DAAM2: variants seen among roughly 807,000 people sequenced by gnomAD.
DAAM2 encodes disheveled-associated activator of morphogenesis 2.
DAAM2 carries 39 observed loss-of-function variants against 120.7 expected under a neutral mutation model. The observed-to-expected ratio is 0.32, with a 90% CI of 0.25 to 0.42. The LOEUF (loss-of-function observed/expected upper bound fraction) is 0.42. Among genes scored for constraint, DAAM2 ranks in the 10% least tolerant of loss-of-function variants. The pLI is 1.00. For synonymous variants in DAAM2, 488 were observed against 524.9 expected (o/e 0.93, Z 0.96); for missense variants, 1,283 against 1,401.7 (o/e 0.92, Z 1.35).
rs138093070 is a variant in DAAM2 at position 39,842,271 on chromosome 6, T to G, written c.-56-13976T>G. On this transcript the variant is annotated intron_variant, in intron 1 of 24. Coordinates refer to ENST00000274867, the MANE Select transcript of DAAM2 (RefSeq NM_001201427.2). The stretch of plus-strand genomic sequence containing the variant: ...AGGACTGAGGACCTGCTGCACACAT[T>G]CCACTGCGCCAGGAGCTATTCTCAT... Among the ~76,000 whole-genome samples, 621 of 152,284 alleles carry G rather than the reference T, an allele frequency of 4.1e-3. 3 individuals carry two copies. Among genetic ancestry groups the G allele is most frequent in the Non-Finnish European group, 6.5e-3 (445 of 68,014 alleles).
Position 39,891,379 on chromosome 6 carries a change from C to A in DAAM2, c.2184C>A (p.Leu728=), listed in dbSNP as rs758051661. ...KFIPEKSDID[L]LEEHKHEIER... ...TCCCAGAGAAGAGTGACATTGACCTCCTGGAGGAGCACAAGCATGAAATTG... is the reference window on the plus strand; with the variant it reads ...TCCCAGAGAAGAGTGACATTGACCTACTGGAGGAGCACAAGCATGAAATTG... Residue 728 remains leucine, a synonymous_variant, in exon 18 of 25, where the codon CTC becomes CTA. Coordinates refer to ENST00000274867, the MANE Select transcript of DAAM2 (RefSeq NM_001201427.2). 18 of 1,611,182 alleles carry A rather than the reference C, an allele frequency of 1.1e-5. No homozygotes were observed. The highest frequency in any genetic ancestry group is 5.0e-5 in the Admixed American group (3 of 59,726).
rs756945728 is a variant in DAAM2, at chr6:39,900,057, A to C, written c.2680-20A>C. The C allele has an allele frequency of 3.4e-5, 54 of 1,597,030 alleles. No individual in the cohort carries two copies. Among genetic ancestry groups the C allele is most frequent in the Non-Finnish European group, 8.5e-7 (1 of 1,171,994 alleles). ...TCATCTTGGCACCAGTCTAAGCAGC[A>C]CTTCACCCTCCCTCCTCAGGAGCTG... On this transcript the variant is annotated intron_variant, in intron 22 of 24. Transcript: ENST00000274867.
intron 1 of DAAM2, among the ~76,000 whole-genome samples, chr6:39,804,907 A>G (rs768688041): frequency 6.6e-6 from 1 of 152,214 alleles, no homozygotes; most frequent in African/African-American, 2.4e-5. Flanking sequence ...GTGCTGAGTC[A>G]GGTGTTGTGG....
chr6:39,894,634 T>G (rs1315203080), intron 19 of DAAM2, among the ~76,000 whole-genome samples: 5 of 151,996 alleles, frequency 3.3e-5, no homozygotes, highest in Non-Finnish European at 7.4e-5. Flanking sequence ...ACCTATTTTC[T>G]TTTTGAGACA....
At chr6:39,830,775 C>A (rs1762852684) in intron 1 of DAAM2, among the ~76,000 whole-genome samples, 1 of 152,172 alleles carries the variant, frequency 6.6e-6, no homozygotes, top group Non-Finnish European at 1.5e-5. Context: ...GCATCAGGAC[C>A]AGGGCAGCTC....
intron 1 of DAAM2, among the ~76,000 whole-genome samples, chr6:39,832,114 G>A (rs564867322): frequency 7.9e-5 from 12 of 151,208 alleles, no homozygotes; most frequent in South Asian, 2.1e-4. Context: ...GGACAGGTAC[G>A]CTAGGGAGGC....
chr6:39,865,188 T>A lies in DAAM2; in HGVS notation c.428+114T>A. 5.9e-6 allele frequency: 4 copies of A among 680,548 alleles called. No individual in the cohort carries two copies. The South Asian group carries it at 6.9e-5, about 12-fold the overall frequency. The allele number at this position is 680,548 out of a possible 1,614,324, so 42.2% of individuals were successfully genotyped here. On this transcript the variant is annotated intron_variant, in intron 5 of 24. Transcript: ENST00000274867. The stretch of plus-strand genomic sequence containing the variant: ...CCATGCCGGTCCTCCTGGCCAACTC[T>A]GCCTCACCTGACTTCACTTCCCAGC...
intron 1 of DAAM2, among the ~76,000 whole-genome samples, chr6:39,827,263 G>GC (rs35757809): frequency 0.33 from 50,009 of 151,968 alleles, 9,433 homozygotes; most frequent in African/African-American, 0.52. Context: ...TTGGGCCTCA[G>GC]TTTCTCGCCT....
At chr6:39,875,680 T>C (rs2149323676) in intron 11 of DAAM2, among the ~76,000 whole-genome samples, 1 of 152,354 alleles carries the variant, frequency 6.6e-6, no homozygotes, top group Middle Eastern at 3.4e-3. Flanking sequence ...TATGGAGTAC[T>C]TGACACACGG....
intron 1 of DAAM2, among the ~76,000 whole-genome samples, chr6:39,816,650 C>G (rs1430795927): frequency 6.6e-6 from 1 of 152,176 alleles, no homozygotes; most frequent in Non-Finnish European, 1.5e-5. Flanking sequence ...CACACTTTAC[C>G]TCTGTATTTA....
chr6:39,843,881 G>A (rs1044864475), intron 1 of DAAM2, among the ~76,000 whole-genome samples: 2 of 152,142 alleles, frequency 1.3e-5, no homozygotes, highest in African/African-American at 4.8e-5. Flanking sequence ...CTGTGGCTGT[G>A]GGGATGCGTG....
At chr6:39,864,043 A>G (rs1190280738) in intron 3 of DAAM2, among the ~76,000 whole-genome samples, 1 of 152,224 alleles carries the variant, frequency 6.6e-6, no homozygotes, top group Admixed American at 6.5e-5. Context: ...TGAGAATGAG[A>G]TTATCAGAAA....
intron 1 of DAAM2, among the ~76,000 whole-genome samples, chr6:39,800,028 G>A (rs1312047543): frequency 6.6e-6 from 1 of 152,176 alleles, no homozygotes; most frequent in Non-Finnish European, 1.5e-5. Flanking sequence ...TACACTGGAT[G>A]TAACTCATTT....
At chr6:39,884,209 T>TTTAC in intron 15 of DAAM2, 140 bp downstream of exon 15, 2 of 609,910 alleles carry the variant, frequency 3.3e-6, no homozygotes, top group Non-Finnish European at 5.9e-6. Context: ...CCCTTCCTTC[T>TTTAC]TTCCTTCCTT....
intron 1 of DAAM2, among the ~76,000 whole-genome samples, chr6:39,845,810 A>G (rs773205073): frequency 6.6e-6 from 1 of 150,688 alleles, no homozygotes; most frequent in Non-Finnish European, 1.5e-5. Flanking sequence ...CCTCTTTGCC[A>G]TCTCGTCTGC....
At chr6:39,900,010 T>C in intron 22 of DAAM2, 67 bp from the exon 23 acceptor site, 2 of 1,524,414 alleles carry the variant, frequency 1.3e-6, no homozygotes, top group South Asian at 1.2e-5. Context: ...AGGGGAGATG[T>C]GGTGACCCCT....
chr6:39,839,003 A>T (rs1183389349), intron 1 of DAAM2, among the ~76,000 whole-genome samples: 4 of 152,110 alleles, frequency 2.6e-5, no homozygotes, highest in Non-Finnish European at 5.9e-5. Context: ...ACAAACCACG[A>T]TGAACTGCTC....
chr6:39,863,961 G>T (rs936386364), intron 3 of DAAM2, among the ~76,000 whole-genome samples: 1 of 152,112 alleles, frequency 6.6e-6, no homozygotes, highest in African/African-American at 2.4e-5. Flanking sequence ...TTCTATTAGT[G>T]TTCTAGAAAT....
chr6:39,803,979 T>C (rs1761938967), intron 1 of DAAM2, among the ~76,000 whole-genome samples: 2 of 152,322 alleles, frequency 1.3e-5, no homozygotes, highest in Middle Eastern at 3.4e-3. Flanking sequence ...AGTCACAGAC[T>C]GAGACTGTCC....
Sources: gnomAD v4.1 joint callset for allele counts (sites outside exome capture counted in the v4.1 genomes callset) on GRCh38, gnomAD v4.1.1 for gene constraint, MANE v1.5 for transcripts, NCBI Gene and HGNC (gene_info 2026-07-23, HGNC 2026-07-21) for gene names.